The following EMCN variants were observed in gnomAD, a reference collection of about 807,000 sequenced individuals.
EMCN encodes the protein endomucin.
A neutral mutation model predicts 38.4 loss-of-function variants in EMCN; 37 were observed. The observed-to-expected ratio is 0.96, with a 90% CI of 0.74 to 1.27. The LOEUF is 1.27. Among genes scored for constraint, EMCN ranks in the 50% most tolerant of loss-of-function variants. EMCN has a pLI of 0.00. For synonymous variants in EMCN, 95 were observed against 100.8 expected (o/e 0.94, Z 0.35); for missense variants, 318 against 302.8 (o/e 1.05, Z -0.37).
At chr4:100,408,826 G>T (rs1726468580) in intron 11 of EMCN, among the ~76,000 whole-genome samples, 2 of 152,180 alleles carry the variant, frequency 1.3e-5, no homozygotes, top group African/African-American at 4.8e-5. Context: ...AAAGGTGGTT[G>T]CATTGCAGGC....
At chr4:100,461,727 G>A (rs1264760134) in intron 4 of EMCN, among the ~76,000 whole-genome samples, 1 of 152,098 alleles carries the variant, frequency 6.6e-6, no homozygotes, top group Admixed American at 6.6e-5. Flanking sequence ...AGGGAATAAA[G>A]CAACAAATCT....
intron 4 of EMCN, among the ~76,000 whole-genome samples, chr4:100,463,467 TC>T (rs1390726101): frequency 6.6e-6 from 1 of 152,176 alleles, no homozygotes; most frequent in Non-Finnish European, 1.5e-5. Context: ...TCATTTTCTT[TC>T]CTTCTGTTTT....
chr4:100,486,755 G>T, intron 1 of EMCN: 1 of 696,588 alleles, frequency 1.4e-6, no homozygotes, highest in Non-Finnish European at 1.8e-6. Context: ...CCAGTGGTGA[G>T]TTTGTTAAAC....
chr4:100,446,192 T>G, intron 5 of EMCN: 2 of 985,412 alleles, frequency 2.0e-6, no homozygotes, highest in Non-Finnish European at 2.4e-6. Flanking sequence ...TCTGACTGGA[T>G]GCACTGTTTT....
rs1256284835 is a variant in EMCN, at chr4:100,473,373, G to GTTTTTTTTTTTTTTTTTTTTT, written c.259+1664_259+1665insAAAAAAAAAAAAAAAAAAAAA. On this transcript the variant is annotated intron_variant, in intron 3 of 11. Transcript: ENST00000296420. ...GGCATTTCCCGTTTCGTGTTTTTTT[G>GTTTTTTTTTTTTTTTTTTTTT]TTTTTTTTTTTTGTTTTTTTTTTTG... Among the ~76,000 whole-genome samples the GTTTTTTTTTTTTTTTTTTTTT allele has an allele frequency of 3.5e-4, 23 of 66,014 alleles. 2 individuals carry two copies. The highest frequency in any genetic ancestry group is 5.1e-4 in the Admixed American group (2 of 3,920). The allele number at this position is 66,014 out of a possible 152,430, so 43.3% of individuals were successfully genotyped here. A position where few individuals can be genotyped will look rare whatever the true frequency, so the allele number is the denominator to read the frequency against.
chr4:100,475,422 C>G (rs4410537), intron 2 of EMCN, among the ~76,000 whole-genome samples: 1 of 151,088 alleles, frequency 6.6e-6, no homozygotes, highest in Non-Finnish European at 1.5e-5. Flanking sequence ...TTACAAAATT[C>G]TAAATTCTAA....
At chr4:100,499,761 GATAA>G (rs1729300248) in intron 1 of EMCN, among the ~76,000 whole-genome samples, 1 of 152,132 alleles carries the variant, frequency 6.6e-6, no homozygotes, top group Non-Finnish European at 1.5e-5. Flanking sequence ...TGGCACAACA[GATAA>G]ATCAATTAGT....
chr4:100,427,355 T>C (rs1319544180), intron 5 of EMCN, among the ~76,000 whole-genome samples: 3 of 152,120 alleles, frequency 2.0e-5, no homozygotes, highest in Admixed American at 2.0e-4. Flanking sequence ...CCCTGCAGCC[T>C]TCATTTACTG....
intron 8 of EMCN, among the ~76,000 whole-genome samples, chr4:100,418,312 G>C (rs1004832841): frequency 6.6e-6 from 1 of 152,110 alleles, no homozygotes; most frequent in Non-Finnish European, 1.5e-5. Flanking sequence ...GGGTATAAGA[G>C]AGATTTTGAT....
chr4:100,399,425 A>T (rs1726196842), intron 11 of EMCN, among the ~76,000 whole-genome samples: 2 of 152,080 alleles, frequency 1.3e-5, no homozygotes, highest in African/African-American at 4.8e-5. Context: ...GGTGAAGGCA[A>T]GTTCTTTGAT....
chr4:100,440,404 T>G (rs1727477661), intron 5 of EMCN, among the ~76,000 whole-genome samples: 1 of 152,068 alleles, frequency 6.6e-6, no homozygotes, highest in African/African-American at 2.4e-5. Context: ...CGTTCCCCCT[T>G]CTGAGCCTCT....
At chr4:100,445,495 G>C (rs1437419507) in intron 5 of EMCN, among the ~76,000 whole-genome samples, 1 of 152,116 alleles carries the variant, frequency 6.6e-6, no homozygotes, top group Non-Finnish European at 1.5e-5. Flanking sequence ...AACTGTGTGT[G>C]ATATATTCAA....
chr4:100,410,041 C>A (rs1341560846), intron 11 of EMCN, among the ~76,000 whole-genome samples: 1 of 152,198 alleles, frequency 6.6e-6, no homozygotes, highest in Non-Finnish European at 1.5e-5. Context: ...GCAGAAAGAG[C>A]AAATTGTGTC....
At chr4:100,462,959 G>C (rs1330636072) in intron 4 of EMCN, among the ~76,000 whole-genome samples, 2 of 152,076 alleles carry the variant, frequency 1.3e-5, no homozygotes, top group Non-Finnish European at 2.9e-5. Flanking sequence ...TTCTACCTTA[G>C]AGATTTCCCA....
At chr4:100,500,588 T>A (rs967692160) in intron 1 of EMCN, among the ~76,000 whole-genome samples, 1 of 152,114 alleles carries the variant, frequency 6.6e-6, no homozygotes, top group African/African-American at 2.4e-5. Context: ...AGAACTACTC[T>A]CTATGTGTAC....
At chr4:100,423,125 A>T in intron 6 of EMCN, 45 bp from the exon 7 acceptor site, 1 of 1,579,018 alleles carries the variant, frequency 6.3e-7, no homozygotes, top group Non-Finnish European at 8.7e-7. Context: ...AATGTGTGCC[A>T]ATTCTTGCAG....
chr4:100,517,261 A>G (rs1729782126), intron 1 of EMCN, among the ~76,000 whole-genome samples: 1 of 152,020 alleles, frequency 6.6e-6, no homozygotes, highest in South Asian at 2.1e-4. Context: ...GTTATGCAAA[A>G]TGTATGTATA....
intron 4 of EMCN, among the ~76,000 whole-genome samples, chr4:100,449,008 A>G (rs185178845): frequency 2.0e-5 from 3 of 152,102 alleles, no homozygotes; most frequent in Admixed American, 2.0e-4. Context: ...ACTACCATGT[A>G]TGTACTTTTG....
intron 1 of EMCN, among the ~76,000 whole-genome samples, chr4:100,504,263 G>C (rs1211953374): frequency 6.6e-6 from 1 of 152,130 alleles, no homozygotes; most frequent in African/African-American, 2.4e-5. Context: ...CTCACTCCTG[G>C]GAAATCTAGA....
Sources: gnomAD v4.1 joint callset for allele counts (sites outside exome capture counted in the v4.1 genomes callset) on GRCh38, gnomAD v4.1.1 for gene constraint, MANE v1.5 for transcripts, NCBI Gene and HGNC (gene_info 2026-07-23, HGNC 2026-07-21) for gene names.